The following SUPT3H variants were observed in gnomAD, a reference collection of about 807,000 sequenced individuals.
SUPT3H encodes transcription initiation protein SPT3 homolog.
SUPT3H carries 44 observed loss-of-function variants against 44.3 expected under a neutral mutation model. The observed-to-expected ratio is 0.99, with a 90% CI of 0.78 to 1.28. The LOEUF (loss-of-function observed/expected upper bound fraction) is 1.28. Ranked by LOEUF, SUPT3H falls within the 50% of genes most tolerant of loss-of-function variation. The pLI, the probability that SUPT3H is intolerant of heterozygous loss-of-function variation, is 0.00. For synonymous variants in SUPT3H, 124 were observed against 125.6 expected, an observed-to-expected ratio of 0.99 and a Z score of 0.09; for missense variants, 380 against 387.1, an observed-to-expected ratio of 0.98 and a Z score of 0.15.
At chr6:45,322,521 T>A (rs151271419) in intron 2 of SUPT3H, among the ~76,000 whole-genome samples, 1 of 152,108 alleles carries the variant, frequency 6.6e-6, no homozygotes, top group African/African-American at 2.4e-5. Context: ...GGGAATACTG[T>A]CAAATATATA....
intron 10 of SUPT3H, among the ~76,000 whole-genome samples, chr6:44,833,090 A>AAAC (rs1769165375): frequency 6.6e-6 from 1 of 152,160 alleles, no homozygotes; most frequent in African/African-American, 2.4e-5. Context: ...CTACTTATTA[A>AAAC]AACATTAACT....
chr6:44,826,281 A>G (rs2153407091), downstream of SUPT3H, among the ~76,000 whole-genome samples: 1 of 152,332 alleles, frequency 6.6e-6, no homozygotes, highest in African/African-American at 2.4e-5. Flanking sequence ...AAAAACTGCT[A>G]GAGTTCCCTG....
intron 11 of SUPT3H, among the ~76,000 whole-genome samples, chr6:44,812,325 C>T (rs940990010): frequency 2.6e-5 from 4 of 152,244 alleles, no homozygotes; most frequent in African/African-American, 7.2e-5. Flanking sequence ...ATTTTCGAGC[C>T]GTCTGTAAGC....
At chr6:44,981,637 T>C (rs1041399899) in intron 6 of SUPT3H, among the ~76,000 whole-genome samples, 1 of 152,204 alleles carries the variant, frequency 6.6e-6, no homozygotes, top group East Asian at 1.9e-4. Context: ...ATCTGGACTC[T>C]AGGTCTCAGT....
chr6:45,290,187 G>GA (rs949280856), intron 2 of SUPT3H, among the ~76,000 whole-genome samples: 20 of 149,820 alleles, frequency 1.3e-4, no homozygotes, highest in African/African-American at 3.4e-4. Context: ...CTCAAAAAAA[G>GA]AAAAAAAAAT....
chr6:44,871,135 T>C (rs1367110747), intron 10 of SUPT3H, among the ~76,000 whole-genome samples: 1 of 150,036 alleles, frequency 6.7e-6, no homozygotes, highest in Non-Finnish European at 1.5e-5. Flanking sequence ...TCGAACTGGG[T>C]GGAGCCCACC....
chr6:45,350,570 A>G (rs1434918794), intron 2 of SUPT3H, among the ~76,000 whole-genome samples: 4 of 152,202 alleles, frequency 2.6e-5, no homozygotes, highest in Non-Finnish European at 5.9e-5. Context: ...TTTAGACTAA[A>G]TGTTGAGAGT....
Position 45,028,044 on chromosome 6 carries a change from C to A in SUPT3H, c.187-7412G>T, listed in dbSNP as rs561344775. On this transcript the variant is annotated intron_variant, in intron 3 of 10. Transcript: ENST00000371459. The stretch of plus-strand genomic sequence containing the variant: ...GAAATATTTTTCTAAATACTCATAA[C>A]AATACTTCAACCTGTATGTTCTTGT... Among the ~76,000 whole-genome samples, 4 of 152,274 alleles carry A rather than the reference C, an allele frequency of 2.6e-5. No homozygotes were observed. The East Asian group carries it at 5.8e-4, about 22-fold the overall frequency.
intron 9 of SUPT3H, among the ~76,000 whole-genome samples, chr6:44,952,659 C>A (rs1272001154): frequency 1.3e-5 from 2 of 152,192 alleles, no homozygotes; most frequent in Non-Finnish European, 2.9e-5. Flanking sequence ...CAAATACATT[C>A]AAGACACTGC....
rs10524207 is a variant in SUPT3H, at chr6:45,302,514, A to AATATAT, written c.101+62681_101+62686dup. Among the ~76,000 whole-genome samples, 405 of 105,256 alleles carry AATATAT rather than the reference A, an allele frequency of 3.8e-3. 2 individuals carry two copies. The highest frequency in any genetic ancestry group is 5.7e-3 in the Non-Finnish European group (292 of 51,188). The allele number at this position is 105,256 out of a possible 152,430, so 69.1% of individuals were successfully genotyped here. On this transcript the variant is annotated intron_variant, in intron 2 of 10. Transcript: ENST00000371459. ...ATAATATATAATGAAGTATCTCAGG[A>AATATAT]ATATATATATATATATATATATATA...
chr6:44,964,629 A>G (rs1050025826), intron 6 of SUPT3H, among the ~76,000 whole-genome samples: 3 of 152,170 alleles, frequency 2.0e-5, no homozygotes, highest in Non-Finnish European at 4.4e-5. Flanking sequence ...ACCCTCTCCA[A>G]TGCCTATTCT....
Position 44,850,744 on chromosome 6 carries a change from A to AT in SUPT3H, c.913-20888_913-20887insA, listed in dbSNP as rs1225168465. 4.1e-3 allele frequency among the ~76,000 whole-genome samples: 425 copies of AT among 103,618 alleles called. 2 individuals are homozygous for AT. The highest frequency in any genetic ancestry group is 0.016 in the African/African-American group (404 of 25,892). The allele number at this position is 103,618 out of a possible 152,430, so 68.0% of individuals were successfully genotyped here. On this transcript the variant is annotated intron_variant, in intron 10 of 10. Coordinates refer to ENST00000371459, the MANE Select transcript of SUPT3H (RefSeq NM_003599.4). ...GCTTATTTTGCTTTTGGTTTTATAT[A>AT]CATCTATCTATCTATCTATCTATCT...
chr6:45,014,750 C>A, intron 5 of SUPT3H, 51 bp downstream of exon 5: 1 of 1,284,800 alleles, frequency 7.8e-7, no homozygotes, highest in South Asian at 1.5e-5. Context: ...TGTTATCCAG[C>A]ACACATGTGT....
chr6:45,145,293 C>T (rs1805863055), intron 2 of SUPT3H, among the ~76,000 whole-genome samples: 1 of 152,102 alleles, frequency 6.6e-6, no homozygotes, highest in Middle Eastern at 3.2e-3. Flanking sequence ...GTTACCGAAA[C>T]AACATGGTAC....
At chr6:45,249,524 G>A (rs965922192) in intron 2 of SUPT3H, among the ~76,000 whole-genome samples, 1 of 151,596 alleles carries the variant, frequency 6.6e-6, no homozygotes, top group Non-Finnish European at 1.5e-5. Flanking sequence ...AAGCACACCC[G>A]ATGAAATAGA....
At chr6:45,024,228 T>G (rs1219006505) in intron 3 of SUPT3H, among the ~76,000 whole-genome samples, 1 of 152,128 alleles carries the variant, frequency 6.6e-6, no homozygotes, top group Admixed American at 6.5e-5. Flanking sequence ...TATTAGGAGG[T>G]TGAGAAGTAA....
intron 2 of SUPT3H, among the ~76,000 whole-genome samples, chr6:45,200,883 T>C (rs1328722305): frequency 6.6e-6 from 1 of 151,628 alleles, no homozygotes; most frequent in Non-Finnish European, 1.5e-5. Flanking sequence ...TGGTAATAAA[T>C]GTACCTTATT....
At chr6:45,144,551 C>G (rs1805726680) in intron 2 of SUPT3H, among the ~76,000 whole-genome samples, 1 of 152,042 alleles carries the variant, frequency 6.6e-6, no homozygotes, top group African/African-American at 2.4e-5. Context: ...CAATATTATA[C>G]TGAACAGGGA....
chr6:45,283,392 T>A (rs1052658938), intron 2 of SUPT3H, among the ~76,000 whole-genome samples: 2 of 151,858 alleles, frequency 1.3e-5, no homozygotes, highest in African/African-American at 4.8e-5. Context: ...TGGAGGAAGA[T>A]CTACCAAGCA....
Sources: allele counts gnomAD v4.1 joint callset (sites outside exome capture counted in the v4.1 genomes callset), GRCh38; gene constraint gnomAD v4.1.1; transcripts MANE v1.5; gene names NCBI Gene and HGNC (gene_info 2026-07-23, HGNC 2026-07-21).